Variants in PRPSAP1 observed in about 807,000 individuals in gnomAD.
The protein encoded by PRPSAP1 is phosphoribosyl pyrophosphate synthase-associated protein 1.
A neutral mutation model predicts 39.4 loss-of-function variants in PRPSAP1; 31 were observed. The observed-to-expected ratio is 0.79, with a 90% CI of 0.59 to 1.06. The LOEUF (loss-of-function observed/expected upper bound fraction) is 1.06. PRPSAP1 is among the 50% of genes least tolerant of loss of function. PRPSAP1 has a pLI of 0.00. For missense variants in PRPSAP1, 430 were observed against 511.6 expected (o/e 0.84, Z 1.54); for synonymous variants, 212 against 192.6 (o/e 1.10, Z -0.83).
chr17:76,341,854 G>A (rs1394377633), intron 3 of PRPSAP1, among the ~76,000 whole-genome samples: 1 of 152,146 alleles, frequency 6.6e-6, no homozygotes, highest in Non-Finnish European at 1.5e-5. Flanking sequence ...CAGGAGAATG[G>A]CGTGAACTCG....
intron 3 of PRPSAP1, among the ~76,000 whole-genome samples, chr17:76,335,016 C>T (rs948844497): frequency 1.3e-5 from 2 of 152,194 alleles, no homozygotes; most frequent in Non-Finnish European, 2.9e-5. Context: ...GGACCACTCT[C>T]GAGGTACTCA....
chr17:76,326,420 A>C (rs1340873545), intron 7 of PRPSAP1, among the ~76,000 whole-genome samples: 1 of 152,182 alleles, frequency 6.6e-6, no homozygotes, highest in African/African-American at 2.4e-5. Context: ...GAGTAACTTT[A>C]CAGTGGAGAA....
chr17:76,347,111 G>A (rs992810647), intron 2 of PRPSAP1, among the ~76,000 whole-genome samples: 9 of 151,846 alleles, frequency 5.9e-5, no homozygotes, highest in African/African-American at 1.9e-4. Context: ...AACGAGCAGC[G>A]CAGAAGGGGG....
At chr17:76,337,084 T>C (rs1156606857) in intron 3 of PRPSAP1, among the ~76,000 whole-genome samples, 8 of 152,114 alleles carry the variant, frequency 5.3e-5, no homozygotes, top group African/African-American at 1.4e-4. Flanking sequence ...ACCAACTACT[T>C]TTCTTTCTTT....
intron 3 of PRPSAP1, among the ~76,000 whole-genome samples, chr17:76,337,136 C>G (rs1303875289): frequency 6.6e-6 from 1 of 152,084 alleles, no homozygotes; most frequent in African/African-American, 2.4e-5. Context: ...CCCAGCTGGT[C>G]TTGTACTCCT....
chr17:76,311,628 T>C lies in PRPSAP1; in HGVS notation c.1072A>G (p.Ser358Gly), dbSNP rs755993031. The C allele has an allele frequency of 6.2e-7, 1 of 1,614,208 alleles. No homozygotes were observed. The highest frequency in any genetic ancestry group is 1.1e-5 in the South Asian group (1 of 91,084). The change falls in exon 10 of 10, where the codon AGT becomes GGT. Residue 358 changes from serine (S) to glycine (G), a missense_variant. Around this residue, in one of 2 missense-constraint regions of PRPSAP1, gnomAD observed 278 missense variants for 376.3 expected, o/e 0.74. Coordinates refer to ENST00000446526, the MANE Select transcript of PRPSAP1 (RefSeq NM_002766.3). ...QCPKIKTVDI[S>G]LILSEAIRRI... ...CGAATGGCTTCAGAAAGAATCAAAC[T>C]GATATCCACAGTCTTTATCTTGGGA...
chr17:76,330,378 C>T (rs2071307967), intron 5 of PRPSAP1, 173 bp downstream of exon 5: 2 of 620,172 alleles, frequency 3.2e-6, no homozygotes, highest in Admixed American at 6.3e-5. Flanking sequence ...TTTTTAGTGT[C>T]TTTTAAAGCT....
intron 2 of PRPSAP1, among the ~76,000 whole-genome samples, chr17:76,346,709 T>C (rs1189141678): frequency 6.6e-6 from 1 of 152,224 alleles, no homozygotes; most frequent in Non-Finnish European, 1.5e-5. Context: ...GGTTTTACAG[T>C]GGCTTTCTGA....
intron 7 of PRPSAP1, among the ~76,000 whole-genome samples, chr17:76,320,314 A>G (rs2071177771): frequency 9.1e-6 from 1 of 109,870 alleles, no homozygotes; most frequent in Non-Finnish European, 1.7e-5. Context: ...AAAGGAAGGG[A>G]GGAAGGGAAG....
intron 1 of PRPSAP1, among the ~76,000 whole-genome samples, chr17:76,350,955 C>T (rs1425199056): frequency 3.3e-5 from 5 of 151,744 alleles, no homozygotes; most frequent in African/African-American, 9.7e-5. Flanking sequence ...CACTTGAACT[C>T]GGGAGGCGGA....
At position 76,311,573 on chromosome 17, in the gene PRPSAP1, T is replaced by C. The variant is rs764716289; in HGVS notation, c.1127A>G (p.Tyr376Cys). ...RRIHNGESMA[Y>C]LFRNITVDD ...ATCCACAGTGATGTTTCGGAAAAGG[T>C]AGGCCATGGACTCTCCATTGTGGAT... The change falls in exon 10 of 10, where the codon TAC becomes TGC. Residue 376 changes from tyrosine to cysteine, a missense_variant. Tyr to Cys is a radical substitution (Grantham distance 194, BLOSUM62 -2). Coordinates refer to ENST00000446526, the MANE Select transcript of PRPSAP1 (RefSeq NM_002766.3). 6.2e-6 allele frequency: 10 copies of C among 1,613,842 alleles called. No homozygotes were observed. Among genetic ancestry groups the C allele is most frequent in the African/African-American group, 1.3e-5 (1 of 75,004 alleles).
At chr17:76,341,656 A>G (rs1428285234) in intron 3 of PRPSAP1, among the ~76,000 whole-genome samples, 7 of 152,288 alleles carry the variant, frequency 4.6e-5, no homozygotes, top group African/African-American at 9.6e-5. Context: ...TTAGACCCCA[A>G]TGGCTGGGCA....
Position 76,332,295 on chromosome 17 carries a change from C to A in PRPSAP1, c.431G>T (p.Cys144Phe). ...CGCCAGCATGGATGCTAGCAGCTTG[C>A]ACACAATGGAACCCCTCTTCCTCAT... ...SKMRKRGSIV[C>F]KLLASMLAKA... The change falls in exon 4 of 10, where the codon TGC (cysteine) becomes TTC (phenylalanine). Residue 144 changes from cysteine to phenylalanine, a missense_variant. This residue lies in a region of PRPSAP1 where 278 missense variants were observed against 376.3 expected (regional missense o/e 0.74). Transcript: ENST00000446526. The A allele has an allele frequency of 6.2e-7, 1 of 1,614,154 alleles. No individual in the cohort carries two copies. The highest frequency in any genetic ancestry group is 8.5e-7 in the Non-Finnish European group (1 of 1,180,030).
chr17:76,332,336 G>A lies in PRPSAP1; in HGVS notation c.390C>T (p.Tyr130=), dbSNP rs770143270. 1.9e-6 allele frequency: 3 copies of A among 1,614,172 alleles called. No homozygotes were observed. The highest frequency in any genetic ancestry group is 8.5e-7 in the Non-Finnish European group (1 of 1,180,042). Residue 130 remains tyrosine (Y), a synonymous_variant, in exon 4 of 10, where the codon TAC becomes TAT. Transcript: ENST00000446526. The part of the protein sequence containing the change: ...NIIGVIPYFP[Y]SKQSKMRKRG... ...TCTTCCTCATCTTGCTCTGCTTGCT[G>A]TAGGGGAAGTAGGGGATGACCCCAA...
rs919993601 is a variant in PRPSAP1 at position 76,309,771 on chromosome 17, TG to T, written c.*1770del. 2.6e-5 allele frequency: 4 copies of T among 152,244 alleles called. No individual in the cohort carries two copies. Among genetic ancestry groups the T allele is most frequent in the African/African-American group, 9.6e-5 (4 of 41,458 alleles). 9.4% of individuals were successfully genotyped at this position (152,244 alleles called of 1,614,324 possible). A position where few individuals can be genotyped will look rare whatever the true frequency, so the allele number is the denominator to read the frequency against. ...ACTACACCATTTTCTATCAGGGACT[TG>T]CACATCCATGGGCAGGAGGTTGAGT... On this transcript the variant is annotated 3_prime_UTR_variant, in exon 10 of 10. Transcript: ENST00000446526.
At chr17:76,336,583 T>G (rs2071381639) in intron 3 of PRPSAP1, among the ~76,000 whole-genome samples, 1 of 150,116 alleles carries the variant, frequency 6.7e-6, no homozygotes, top group African/African-American at 2.5e-5. Context: ...AAATACAAAA[T>G]TAGCCAGGCA....
intron 3 of PRPSAP1, among the ~76,000 whole-genome samples, chr17:76,340,428 A>G (rs552130147): frequency 1.3e-5 from 2 of 151,880 alleles, no homozygotes; most frequent in Admixed American, 1.3e-4. Flanking sequence ...TTTGTTTGTC[A>G]AGTTCAGTCT....
chr17:76,337,337 A>G (rs2071389813), intron 3 of PRPSAP1: 1 of 152,378 alleles, frequency 6.6e-6, no homozygotes, highest in Admixed American at 6.6e-5. Context: ...AGCAGCACAT[A>G]TACTAAAATT....
intron 7 of PRPSAP1, among the ~76,000 whole-genome samples, chr17:76,317,209 G>A (rs1194139468): frequency 6.6e-6 from 1 of 152,210 alleles, no homozygotes; most frequent in Non-Finnish European, 1.5e-5. Context: ...AATTAGCCAG[G>A]CGTGGTGGTA....
Sources: gnomAD v4.1 joint callset for allele counts (sites outside exome capture counted in the v4.1 genomes callset) on GRCh38, gnomAD v4.1.1 for gene constraint, gnomAD v4.1.1 regional missense constraint, MANE v1.5 for transcripts, NCBI Gene and HGNC (gene_info 2026-07-23, HGNC 2026-07-21) for gene names.